The following THADA variants were observed in gnomAD, a reference collection of about 807,000 sequenced individuals.
THADA encodes the protein tRNA (32-2'-O)-methyltransferase regulator THADA.
In THADA, 213 loss-of-function variants were observed where a neutral mutation model predicts 219.8. That is an observed-to-expected ratio of 0.97 (90% CI 0.87 to 1.09). The LOEUF (loss-of-function observed/expected upper bound fraction) is 1.09. THADA is among the 50% of genes least tolerant of loss of function. The pLI, the probability that THADA is intolerant of heterozygous loss-of-function variation, is 0.00. For synonymous variants in THADA, 1,018 were observed against 828.9 expected (o/e 1.23, Z -3.92); for missense variants, 2,956 against 2,311.3 (o/e 1.28, Z -5.72).
chr2:43,377,586 G>A (rs1029135355), intron 29 of THADA, among the ~76,000 whole-genome samples: 1 of 152,178 alleles, frequency 6.6e-6, no homozygotes, highest in African/African-American at 2.4e-5. Flanking sequence ...TCACTAGAAA[G>A]CTCCATCATC....
intron 30 of THADA, among the ~76,000 whole-genome samples, chr2:43,331,223 C>T (rs1386067667): frequency 6.6e-6 from 1 of 152,172 alleles, no homozygotes; most frequent in African/African-American, 2.4e-5. Context: ...TTCTGTGGTT[C>T]TATGGTACTC....
At chr2:43,449,094 C>G (rs567108851) in intron 26 of THADA, among the ~76,000 whole-genome samples, 2 of 151,854 alleles carry the variant, frequency 1.3e-5, no homozygotes, top group African/African-American at 2.4e-5. Context: ...GAAAATGATA[C>G]ATGAACAAAA....
intron 14 of THADA, among the ~76,000 whole-genome samples, chr2:43,569,075 A>G (rs868658592): frequency 1.3e-5 from 2 of 152,186 alleles, no homozygotes; most frequent in African/African-American, 4.8e-5. Flanking sequence ...AGACTCCAGC[A>G]ACCTTCAACC....
chr2:43,467,010 G>A (rs1056306403), intron 26 of THADA, among the ~76,000 whole-genome samples: 11 of 151,372 alleles, frequency 7.3e-5, no homozygotes, highest in Admixed American at 2.6e-4. Flanking sequence ...GTGAAACCCC[G>A]TCTCTACTAA....
intron 29 of THADA, among the ~76,000 whole-genome samples, chr2:43,357,820 T>C (rs934979835): frequency 1.3e-5 from 2 of 152,198 alleles, no homozygotes; most frequent in African/African-American, 4.8e-5. Context: ...AAGTTGTTAA[T>C]TGGGGGAGTG....
At chr2:43,281,382 T>C (rs1428599254) in intron 35 of THADA, among the ~76,000 whole-genome samples, 5 of 152,088 alleles carry the variant, frequency 3.3e-5, no homozygotes, top group African/African-American at 1.2e-4. Flanking sequence ...TTAGTCCATT[T>C]CAATTTTTCT....
At chr2:43,553,924 A>G (rs972522574) in intron 17 of THADA, among the ~76,000 whole-genome samples, 14 of 152,212 alleles carry the variant, frequency 9.2e-5, no homozygotes, top group African/African-American at 2.9e-4. Flanking sequence ...CTTCTTTGGA[A>G]AAATGTCTAT....
At chr2:43,529,593 T>C (rs532485185) in intron 21 of THADA, among the ~76,000 whole-genome samples, 1 of 152,328 alleles carries the variant, frequency 6.6e-6, no homozygotes, top group African/African-American at 2.4e-5. Context: ...TTAAGCTGAT[T>C]AGGCTTTTAT....
At chr2:43,344,304 C>A in intron 29 of THADA, 67 bp from the exon 30 acceptor site, 1 of 1,126,192 alleles carries the variant, frequency 8.9e-7, no homozygotes. Context: ...CAGTTCCTCC[C>A]TTTTAAGTTT....
intron 20 of THADA, among the ~76,000 whole-genome samples, chr2:43,545,111 T>G (rs1438529857): frequency 1.3e-5 from 2 of 152,340 alleles, no homozygotes; most frequent in East Asian, 3.9e-4. Context: ...CAAAGGCCTT[T>G]TCTGCATCTA....
chr2:43,428,612 A>C (rs1678818041), intron 27 of THADA, among the ~76,000 whole-genome samples: 2 of 152,022 alleles, frequency 1.3e-5, no homozygotes, highest in Non-Finnish European at 2.9e-5. Flanking sequence ...TTCAAAAACA[A>C]AATTATGTAT....
intron 26 of THADA, among the ~76,000 whole-genome samples, chr2:43,474,882 G>A (rs140917918): frequency 5.3e-5 from 8 of 152,262 alleles, no homozygotes; most frequent in Admixed American, 2.0e-4. Flanking sequence ...AAGTTAGTCT[G>A]ACCCCGTCTT....
At chr2:43,564,436 C>A (rs1312915818) in intron 15 of THADA, 1 of 152,298 alleles carries the variant, frequency 6.6e-6, no homozygotes, top group Admixed American at 6.5e-5. Context: ...CCAATCTCTA[C>A]CTACGCTGTC....
intron 22 of THADA, among the ~76,000 whole-genome samples, chr2:43,517,898 C>T (rs1282608017): frequency 1.3e-5 from 2 of 152,184 alleles, no homozygotes; most frequent in African/African-American, 4.8e-5. Flanking sequence ...TTATCTTACA[C>T]CATTCTGTTC....
chr2:43,254,100 C>T lies in THADA; in HGVS notation c.5297-21218G>A, dbSNP rs149715037. 7.6e-3 allele frequency among the ~76,000 whole-genome samples: 1,150 copies of T among 151,882 alleles called. 11 individuals carry two copies. Among genetic ancestry groups the T allele is most frequent in the African/African-American group, 0.026 (1,081 of 41,438 alleles). On this transcript the variant is annotated intron_variant, in intron 36 of 37. Transcript: ENST00000405975. ...CCTATCCCTGAACTAATCTCAGAGG[C>T]CAGGAATATGATGCCCTCACTGGCA...
At chr2:43,582,102 T>G (rs986215977) in intron 7 of THADA, among the ~76,000 whole-genome samples, 174 bp from the exon 8 acceptor site, 1 of 152,230 alleles carries the variant, frequency 6.6e-6, no homozygotes, top group Admixed American at 6.5e-5. Flanking sequence ...AGACATTAAT[T>G]GCAAACTTTC....
intron 26 of THADA, among the ~76,000 whole-genome samples, chr2:43,451,417 C>A (rs560046628): frequency 6.6e-6 from 1 of 152,272 alleles, no homozygotes; most frequent in East Asian, 1.9e-4. Context: ...CCTACAATAC[C>A]AATTTTACTT....
At chr2:43,464,821 G>GTA (rs930393257) in intron 26 of THADA, among the ~76,000 whole-genome samples, 1 of 152,038 alleles carries the variant, frequency 6.6e-6, no homozygotes, top group Non-Finnish European at 1.5e-5. Flanking sequence ...CCGCAGGACT[G>GTA]TATTTTCAAA....
chr2:43,256,138 GA>G (rs1670285709), intron 36 of THADA, among the ~76,000 whole-genome samples: 1 of 152,162 alleles, frequency 6.6e-6, no homozygotes, highest in African/African-American at 2.4e-5. Flanking sequence ...AAGATAGAAG[GA>G]ATAAAAACAC....
Sources: gnomAD v4.1 joint callset for allele counts (sites outside exome capture counted in the v4.1 genomes callset) on GRCh38, gnomAD v4.1.1 for gene constraint, MANE v1.5 for transcripts, NCBI Gene and HGNC (gene_info 2026-07-23, HGNC 2026-07-21) for gene names.